GFOD2: variants seen among roughly 807,000 people sequenced by gnomAD.
GFOD2 encodes the protein glucose-fructose oxidoreductase domain-containing protein 2.
GFOD2 carries 9 observed loss-of-function variants against 24.6 expected under a neutral mutation model. That is an observed-to-expected ratio of 0.37 (90% confidence interval 0.22 to 0.64). The LOEUF is 0.64. Ranked by LOEUF, GFOD2 falls within the 30% of genes least tolerant of loss-of-function variation. The pLI, the probability that GFOD2 is intolerant of heterozygous loss-of-function variation, is 0.65. For synonymous variants in GFOD2, 211 were observed against 224.8 expected, an observed-to-expected ratio of 0.94 and a Z score of 0.55; for missense variants, 476 against 532.5, an observed-to-expected ratio of 0.89 and a Z score of 1.04.
intron 1 of GFOD2, among the ~76,000 whole-genome samples, chr16:67,703,343 T>C (rs557519633): frequency 2.0e-5 from 3 of 152,104 alleles, no homozygotes; most frequent in African/African-American, 4.8e-5. Context: ...GTGGAGATTG[T>C]GGTGAGCCGA....
At chr16:67,676,346 G>A in intron 2 of GFOD2, 2 of 353,516 alleles carry the variant, frequency 5.7e-6, no homozygotes, top group East Asian at 6.1e-5. Context: ...GCCTAGGCAG[G>A]GCCCAAGTGA....
At chr16:67,716,827 G>A (rs2053510008) in intron 1 of GFOD2, among the ~76,000 whole-genome samples, 1 of 152,170 alleles carries the variant, frequency 6.6e-6, no homozygotes, top group African/African-American at 2.4e-5. Context: ...AGAAAAGTTG[G>A]TAAAAAGCAC....
chr16:67,682,218 A>G, intron 2 of GFOD2: 1 of 335,976 alleles, frequency 3.0e-6, no homozygotes, highest in Non-Finnish European at 4.2e-6. Context: ...TTGTGTTTTT[A>G]GTATAGACGA....
chr16:67,716,075 CCTATTT>C (rs1317419812), intron 1 of GFOD2, among the ~76,000 whole-genome samples: 1 of 152,170 alleles, frequency 6.6e-6, no homozygotes, highest in African/African-American at 2.4e-5. Flanking sequence ...AGGCACTTTT[CCTATTT>C]CTAAGTTAGT....
At chr16:67,692,959 G>A (rs917428101) in intron 1 of GFOD2, among the ~76,000 whole-genome samples, 35 of 150,754 alleles carry the variant, frequency 2.3e-4, no homozygotes, top group African/African-American at 7.6e-4. Context: ...GAACCCAGGA[G>A]GCAGAGCTTG....
intron 1 of GFOD2, among the ~76,000 whole-genome samples, chr16:67,693,975 G>C: frequency 6.6e-6 from 1 of 151,732 alleles, no homozygotes; most frequent in East Asian, 1.9e-4. Context: ...CCATAATCCA[G>C]TGGCATTTAG....
chr16:67,715,127 T>C (rs1269890044), intron 1 of GFOD2, among the ~76,000 whole-genome samples: 1 of 152,144 alleles, frequency 6.6e-6, no homozygotes, highest in Admixed American at 6.5e-5. Flanking sequence ...GGCACGATCT[T>C]GGCTTACTGC....
chr16:67,712,846 T>C (rs1288652081), intron 1 of GFOD2, among the ~76,000 whole-genome samples: 1 of 97,620 alleles, frequency 1.0e-5, no homozygotes, highest in East Asian at 2.2e-4. Flanking sequence ...GAGGAGCGCC[T>C]CTTCCCCGCC....
At chr16:67,684,957 A>T in intron 2 of GFOD2, 1 of 1,002,576 alleles carries the variant, frequency 1.0e-6, no homozygotes, top group African/African-American at 1.7e-5. Flanking sequence ...CAATGCTGGC[A>T]GAGCCTTCCT....
intron 1 of GFOD2, among the ~76,000 whole-genome samples, chr16:67,714,682 G>A (rs1051159013): frequency 6.6e-6 from 1 of 152,094 alleles, no homozygotes; most frequent in Admixed American, 6.6e-5. Context: ...GACAATTTGA[G>A]AGTAGCACAG....
intron 2 of GFOD2, among the ~76,000 whole-genome samples, chr16:67,680,145 C>T (rs144662334): frequency 1.3e-5 from 2 of 152,366 alleles, no homozygotes; most frequent in African/African-American, 2.4e-5. Flanking sequence ...ATCCTCCTGC[C>T]TTGGCCTCCC....
intron 1 of GFOD2, among the ~76,000 whole-genome samples, chr16:67,688,963 TCTC>T (rs1157410959): frequency 2.0e-5 from 3 of 151,690 alleles, no homozygotes; most frequent in Non-Finnish European, 4.4e-5. Flanking sequence ...ATGGTCTCGA[TCTC>T]CTGACCTTGT....
intron 1 of GFOD2, among the ~76,000 whole-genome samples, chr16:67,716,339 G>C (rs2053506616): frequency 6.6e-6 from 1 of 152,176 alleles, no homozygotes; most frequent in African/African-American, 2.4e-5. Flanking sequence ...CCAGAAAATG[G>C]CATAGAAGTT....
intron 1 of GFOD2, among the ~76,000 whole-genome samples, chr16:67,717,723 G>A (rs1483268364): frequency 6.6e-6 from 1 of 152,034 alleles, no homozygotes; most frequent in Non-Finnish European, 1.5e-5. Context: ...CCTGGGAGGC[G>A]GAGATTGCAG....
rs2053262387 is a variant in GFOD2 at position 67,685,791 on chromosome 16, C to G, written c.-76G>C. On this transcript the variant is annotated 5_prime_UTR_variant, in exon 2 of 3. The change abolishes the stop of an existing upstream ORF in the 5' untranslated region. Transcript: ENST00000268797. ...GATATGATCTTCCAAACGTCCTGGT[C>G]AGACATGGCTCCTAGAATAGCAAAC... is the stretch of plus-strand genomic sequence containing the variant. 6.6e-7 allele frequency: 1 copy of G among 1,509,018 alleles called. No homozygotes were observed. The highest frequency in any genetic ancestry group is 1.4e-5 in the African/African-American group (1 of 72,774). 93.5% of individuals were successfully genotyped at this position (1,509,018 alleles called of 1,614,324 possible). A position where few individuals can be genotyped will look rare whatever the true frequency, so the allele number is the denominator to read the frequency against.
intron 2 of GFOD2, chr16:67,683,320 C>A: frequency 8.2e-7 from 1 of 1,213,040 alleles, no homozygotes; most frequent in East Asian, 3.3e-5. Context: ...CTGTGGGGAA[C>A]CCTAAAATTC....
At chr16:67,717,058 C>T (rs556152521) in intron 1 of GFOD2, among the ~76,000 whole-genome samples, 11 of 152,050 alleles carry the variant, frequency 7.2e-5, no homozygotes, top group East Asian at 1.9e-4. Flanking sequence ...CACCATGCCC[C>T]GATAATTTTG....
chr16:67,675,146 G>A lies in GFOD2; in HGVS notation c.*9C>T. 6.2e-7 allele frequency: 1 copy of A among 1,602,080 alleles called. No individual in the cohort carries two copies. Among genetic ancestry groups the A allele is most frequent in the Non-Finnish European group, 8.5e-7 (1 of 1,172,544 alleles). On this transcript the variant is annotated 3_prime_UTR_variant, in exon 3 of 3. Coordinates refer to ENST00000268797, the MANE Select transcript of GFOD2 (RefSeq NM_030819.4). The stretch of plus-strand genomic sequence containing the variant: ...CCTCTGCCCTGTGGCAAGGAGCCCA[G>A]GTGCAGGCTCATAGGTTGTTCCGCT...
chr16:67,706,285 C>T (rs1369485362), intron 1 of GFOD2, among the ~76,000 whole-genome samples: 2 of 152,010 alleles, frequency 1.3e-5, no homozygotes, highest in Non-Finnish European at 2.9e-5. Flanking sequence ...CCTGACCATA[C>T]TTTTTTAAAT....
Sources: allele counts gnomAD v4.1 joint callset (sites outside exome capture counted in the v4.1 genomes callset), GRCh38; gene constraint gnomAD v4.1.1; transcripts MANE v1.5; gene names NCBI Gene and HGNC (gene_info 2026-07-23, HGNC 2026-07-21).